Variants in AGBL4 observed in about 807,000 individuals in gnomAD.
The protein encoded by AGBL4 is cytosolic carboxypeptidase 6.
AGBL4 carries 58 observed loss-of-function variants against 66.4 expected under a neutral mutation model. That is an observed-to-expected ratio of 0.87 (90% CI 0.71 to 1.09). The LOEUF is 1.09. Ranked by LOEUF, AGBL4 falls within the 50% of genes least tolerant of loss-of-function variation. The pLI is 0.00. For synonymous variants in AGBL4, 234 were observed against 222.9 expected (o/e 1.05, Z -0.44); for missense variants, 579 against 631.0 (o/e 0.92, Z 0.88).
At chr1:48,746,621 C>T (rs1650809008) in intron 6 of AGBL4, among the ~76,000 whole-genome samples, 1 of 152,232 alleles carries the variant, frequency 6.6e-6, no homozygotes, top group East Asian at 1.9e-4. Context: ...ACATTGTCTA[C>T]AGAAGGTCGG....
At chr1:48,811,107 G>T (rs1374944308) in intron 6 of AGBL4, among the ~76,000 whole-genome samples, 3 of 149,446 alleles carry the variant, frequency 2.0e-5, no homozygotes, top group African/African-American at 7.4e-5. Flanking sequence ...TGGCTCTGTC[G>T]CCAACAGATG....
At chr1:48,872,947 C>T (rs1648832462) in intron 5 of AGBL4, among the ~76,000 whole-genome samples, 1 of 152,158 alleles carries the variant, frequency 6.6e-6, no homozygotes, top group South Asian at 2.1e-4. Flanking sequence ...ACTAGGATTT[C>T]CGAGTGCTGG....
chr1:49,626,368 A>T (rs1333264504), intron 3 of AGBL4, among the ~76,000 whole-genome samples: 1 of 152,122 alleles, frequency 6.6e-6, no homozygotes, highest in Non-Finnish European at 1.5e-5. Flanking sequence ...TCCCCTCATG[A>T]AATGCTTTTT....
chr1:49,982,645 T>G (rs1182713867), intron 1 of AGBL4, among the ~76,000 whole-genome samples: 2 of 151,952 alleles, frequency 1.3e-5, no homozygotes, highest in Non-Finnish European at 2.9e-5. Flanking sequence ...TGGACCAGAG[T>G]GGGGACTTAC....
intron 11 of AGBL4, among the ~76,000 whole-genome samples, chr1:48,573,161 C>G (rs182127218): frequency 4.1e-4 from 62 of 152,304 alleles, no homozygotes; most frequent in Admixed American, 2.9e-3. Flanking sequence ...TCCCCAGCCC[C>G]CTCCTGCTCT....
At chr1:49,970,264 C>T (rs1439868817) in intron 1 of AGBL4, among the ~76,000 whole-genome samples, 2 of 151,884 alleles carry the variant, frequency 1.3e-5, no homozygotes, top group African/African-American at 2.4e-5. Context: ...CTATATAAAA[C>T]CAAAAAGCTC....
intron 3 of AGBL4, among the ~76,000 whole-genome samples, chr1:49,432,416 C>T (rs1323059497): frequency 1.3e-5 from 2 of 152,126 alleles, no homozygotes; most frequent in Non-Finnish European, 2.9e-5. Flanking sequence ...CCATCTCTTC[C>T]TCTGCATCTT....
intron 4 of AGBL4, among the ~76,000 whole-genome samples, chr1:49,069,299 C>A (rs1479566689): frequency 6.6e-6 from 1 of 152,186 alleles, no homozygotes; most frequent in African/African-American, 2.4e-5. Flanking sequence ...AGCATGAAGT[C>A]TTTGCCCATG....
chr1:48,967,139 A>G (rs1196487536), intron 5 of AGBL4, among the ~76,000 whole-genome samples: 1 of 152,106 alleles, frequency 6.6e-6, no homozygotes. Flanking sequence ...AAACTCACTG[A>G]GCACTATTTC....
intron 6 of AGBL4, among the ~76,000 whole-genome samples, chr1:48,720,614 C>CAGTG: frequency 6.6e-6 from 1 of 152,288 alleles, no homozygotes; most frequent in African/African-American, 2.4e-5. Context: ...AAAAAGTGAA[C>CAGTG]AGTGCTACCA....
At chr1:49,852,258 T>C (rs945644010) in intron 1 of AGBL4, among the ~76,000 whole-genome samples, 5 of 152,118 alleles carry the variant, frequency 3.3e-5, no homozygotes, top group African/African-American at 1.2e-4. Flanking sequence ...AAAAAGAGTA[T>C]GGGAAGCAAG....
At chr1:49,403,130 T>C (rs549437751) in intron 3 of AGBL4, among the ~76,000 whole-genome samples, 2 of 152,228 alleles carry the variant, frequency 1.3e-5, no homozygotes. Context: ...TCTTTAGCTA[T>C]AATAGTATTT....
chr1:49,663,821 G>A (rs1367513818), intron 3 of AGBL4, among the ~76,000 whole-genome samples: 4 of 152,034 alleles, frequency 2.6e-5, no homozygotes, highest in African/African-American at 7.2e-5. Flanking sequence ...GAATAGGAGT[G>A]AAAGAGAAGA....
chr1:49,936,417 G>C (rs879810783), intron 1 of AGBL4, among the ~76,000 whole-genome samples: 1 of 152,150 alleles, frequency 6.6e-6, no homozygotes, highest in Admixed American at 6.5e-5. Flanking sequence ...CACTCTGCAG[G>C]ACATTACCCA....
chr1:48,886,511 C>T (rs1650360228), intron 5 of AGBL4, among the ~76,000 whole-genome samples: 1 of 152,106 alleles, frequency 6.6e-6, no homozygotes, highest in Admixed American at 6.5e-5. Flanking sequence ...TCTCCGGGAG[C>T]ATCATTGGGC....
At chr1:49,102,132 A>T (rs1418579526) in intron 4 of AGBL4, among the ~76,000 whole-genome samples, 1 of 152,134 alleles carries the variant, frequency 6.6e-6, no homozygotes, top group African/African-American at 2.4e-5. Flanking sequence ...TGGACACCTC[A>T]TTGGTCTCCT....
intron 6 of AGBL4, among the ~76,000 whole-genome samples, chr1:48,794,129 G>A (rs1174574459): frequency 6.6e-6 from 1 of 152,180 alleles, no homozygotes; most frequent in Non-Finnish European, 1.5e-5. Context: ...TCAGAAAGAG[G>A]AAGCACAGCA....
At chr1:49,938,622 C>T (rs768979768) in intron 1 of AGBL4, among the ~76,000 whole-genome samples, 16 of 152,170 alleles carry the variant, frequency 1.1e-4, no homozygotes, top group Non-Finnish European at 2.2e-4. Context: ...CCGAATCCAA[C>T]AGCACATCAA....
chr1:49,271,393 A>C (rs1644054487), intron 3 of AGBL4, among the ~76,000 whole-genome samples: 1 of 152,056 alleles, frequency 6.6e-6, no homozygotes, highest in Non-Finnish European at 1.5e-5. Context: ...CGATTTAAAA[A>C]AAAAATTCAA....
Sources: allele counts gnomAD v4.1 joint callset (sites outside exome capture counted in the v4.1 genomes callset), GRCh38; gene constraint gnomAD v4.1.1; transcripts MANE v1.5; gene names NCBI Gene and HGNC (gene_info 2026-07-23, HGNC 2026-07-21).